The following THSD4 variants were observed in gnomAD, a reference collection of about 807,000 sequenced individuals.
The protein encoded by THSD4 is thrombospondin type-1 domain-containing protein 4.
In THSD4, 69 loss-of-function variants were observed where a neutral mutation model predicts 119.0. That is an observed-to-expected ratio of 0.58 (90% CI 0.48 to 0.71). The LOEUF is 0.71. Ranked by LOEUF, THSD4 falls within the 30% of genes least tolerant of loss-of-function variation. The probability of loss-of-function intolerance (pLI) is 0.00; values close to 1 mark genes in which losing one functional copy is unlikely to be tolerated. For missense variants in THSD4, 1,393 were observed against 1,391.1 expected (o/e 1.00, Z -0.02); for synonymous variants, 524 against 540.4 (o/e 0.97, Z 0.42).
At chr15:71,306,236 G>A (rs562322176) in intron 6 of THSD4, among the ~76,000 whole-genome samples, 321 of 148,952 alleles carry the variant, frequency 2.2e-3, no homozygotes, top group African/African-American at 7.4e-3. Context: ...AACGTGGGAG[G>A]CAGAAGTTGC....
chr15:71,649,782 T>C (rs1595827196), intron 7 of THSD4, among the ~76,000 whole-genome samples: 1 of 152,324 alleles, frequency 6.6e-6, no homozygotes, highest in Non-Finnish European at 1.5e-5. Flanking sequence ...ATTTTTTATA[T>C]GGTATAAGGA....
intron 7 of THSD4, among the ~76,000 whole-genome samples, chr15:71,449,449 G>A (rs2047233410): frequency 6.6e-6 from 1 of 152,228 alleles, no homozygotes; most frequent in Middle Eastern, 3.4e-3. Flanking sequence ...GTCTTGGGCA[G>A]GTTAATTAAC....
chr15:71,271,082 TA>T (rs1337623972), intron 6 of THSD4, among the ~76,000 whole-genome samples: 1 of 152,160 alleles, frequency 6.6e-6, no homozygotes, highest in Non-Finnish European at 1.5e-5. Flanking sequence ...TGCAAGCTTT[TA>T]TAAAAAGCTT....
chr15:71,591,630 G>A (rs2049808112), intron 7 of THSD4, among the ~76,000 whole-genome samples: 1 of 152,106 alleles, frequency 6.6e-6, no homozygotes. Flanking sequence ...TCCAGGAGAT[G>A]TCAGAGGGCA....
intron 7 of THSD4, among the ~76,000 whole-genome samples, chr15:71,414,181 G>C (rs1338169615): frequency 3.3e-5 from 5 of 152,242 alleles, no homozygotes; most frequent in African/African-American, 1.2e-4. Context: ...GAGGAGGATG[G>C]TACCTACGTC....
intron 7 of THSD4, among the ~76,000 whole-genome samples, chr15:71,441,277 T>C (rs562410507): frequency 8.0e-5 from 3 of 37,502 alleles, no homozygotes; most frequent in Admixed American, 3.1e-4. Context: ...AGACAGGCAG[T>C]GACCAGGTGC....
At chr15:71,582,633 A>G (rs557543007) in intron 7 of THSD4, among the ~76,000 whole-genome samples, 11 of 152,140 alleles carry the variant, frequency 7.2e-5, no homozygotes, top group African/African-American at 2.6e-4. Flanking sequence ...ATATATAGCC[A>G]TATTATGTTG....
At chr15:71,724,260 T>G in intron 8 of THSD4, among the ~76,000 whole-genome samples, 1 of 84,410 alleles carries the variant, frequency 1.2e-5, no homozygotes, top group East Asian at 4.6e-4. Flanking sequence ...GAGGCCTCTA[T>G]GATGGGATAT....
In THSD4 at chr15:71,115,480, G is replaced by C. The variant is rs2040349894; in HGVS notation, c.-298G>C. 1 of 152,098 alleles carries C rather than the reference G, an allele frequency of 6.6e-6. No individual in the cohort carries two copies. The highest frequency in any genetic ancestry group is 2.1e-4 in the South Asian group (1 of 4,836). 9.4% of individuals were successfully genotyped at this position (152,098 alleles called of 1,614,324 possible). On this transcript the variant is annotated 5_prime_UTR_variant, in exon 1 of 18. Coordinates refer to ENST00000261862, the MANE Select transcript of THSD4 (RefSeq NM_024817.3). The surrounding 1 kb of genome is among the most constrained non-coding windows in gnomAD (Gnocchi z 4.4). ...ATCCCGCTCTCGGATCGCAAACTCT[G>C]AGCCAGAGCTCTCCGCGCGCGCCTG...
chr15:71,337,002 CAG>C (rs1208161733), intron 6 of THSD4, among the ~76,000 whole-genome samples: 10 of 152,170 alleles, frequency 6.6e-5, no homozygotes, highest in African/African-American at 1.2e-4. Context: ...TGGGCTAAAT[CAG>C]AGAGAGAGGG....
chr15:71,689,290 G>A (rs1011049021), intron 8 of THSD4, among the ~76,000 whole-genome samples: 3 of 152,184 alleles, frequency 2.0e-5, no homozygotes, highest in Non-Finnish European at 4.4e-5. Context: ...CTGGGCTTCC[G>A]GAAGCAGCGT....
intron 6 of THSD4, among the ~76,000 whole-genome samples, chr15:71,333,497 C>T (rs919495858): frequency 6.6e-6 from 1 of 152,064 alleles, no homozygotes; most frequent in Non-Finnish European, 1.5e-5. Flanking sequence ...TTGGCTGAAC[C>T]TTTGTTTTTT....
chr15:71,168,423 G>A (rs1251031596), intron 3 of THSD4, among the ~76,000 whole-genome samples: 1 of 152,004 alleles, frequency 6.6e-6, no homozygotes, highest in Non-Finnish European at 1.5e-5. Context: ...AATCACAACT[G>A]CTCAAACTTT....
At chr15:71,348,948 T>C (rs1252071615) in intron 6 of THSD4, among the ~76,000 whole-genome samples, 1 of 152,234 alleles carries the variant, frequency 6.6e-6, no homozygotes, top group African/African-American at 2.4e-5. Context: ...CTACTCTCCT[T>C]TGAAGTTACC....
intron 7 of THSD4, among the ~76,000 whole-genome samples, chr15:71,457,488 T>A (rs1367361435): frequency 6.6e-6 from 1 of 151,444 alleles, no homozygotes; most frequent in Non-Finnish European, 1.5e-5. Context: ...TGCCGTCCAG[T>A]CTCCTTGCTG....
intron 7 of THSD4, among the ~76,000 whole-genome samples, chr15:71,461,013 T>C (rs1457365773): frequency 1.3e-5 from 2 of 152,224 alleles, no homozygotes; most frequent in African/African-American, 4.8e-5. Context: ...ATTTATCATA[T>C]TTATTATCAA....
At chr15:71,612,314 A>AC (rs1179853160) in intron 7 of THSD4, among the ~76,000 whole-genome samples, 4 of 152,016 alleles carry the variant, frequency 2.6e-5, no homozygotes, top group East Asian at 1.9e-4. Flanking sequence ...TTCAACAATC[A>AC]CCCCCCGGTG....
chr15:71,335,216 C>G (rs895994624), intron 6 of THSD4, among the ~76,000 whole-genome samples: 1 of 152,130 alleles, frequency 6.6e-6, no homozygotes, highest in East Asian at 1.9e-4. Flanking sequence ...ACACAGCTCA[C>G]GTTCAGGAAA....
At chr15:71,755,733 A>T (rs970843413) in intron 14 of THSD4, among the ~76,000 whole-genome samples, 4 of 124,550 alleles carry the variant, frequency 3.2e-5, no homozygotes, top group Non-Finnish European at 7.0e-5. Context: ...AAAAAAAAAA[A>T]GACAGGACAC....
Sources: gnomAD v4.1 joint callset for allele counts (sites outside exome capture counted in the v4.1 genomes callset) on GRCh38, gnomAD v4.1.1 for gene constraint, Gnocchi (gnomAD v3.1) non-coding constraint, MANE v1.5 for transcripts, NCBI Gene and HGNC (gene_info 2026-07-23, HGNC 2026-07-21) for gene names.